Variants in TUSC3 observed in about 807,000 individuals in gnomAD.
The protein encoded by TUSC3 is dolichyl-diphosphooligosaccharide--protein glycosyltransferase subunit TUSC3.
Under a neutral mutation model 44.8 loss-of-function variants are expected in TUSC3, and 45 were observed. The observed-to-expected ratio is 1.00, with a 90% CI of 0.79 to 1.29. The LOEUF (loss-of-function observed/expected upper bound fraction) is 1.29. Among genes scored for constraint, TUSC3 ranks in the 50% most tolerant of loss-of-function variants. TUSC3 has a pLI of 0.00. For missense variants in TUSC3, 519 were observed against 437.9 expected (o/e 1.19, Z -1.65); for synonymous variants, 212 against 152.9 (o/e 1.39, Z -2.85).
rs544241233 is a variant in TUSC3, at chr8:15,490,461, C to T, written n.189+6978C>T. Among the ~76,000 whole-genome samples the T allele has an allele frequency of 5.3e-5, 8 of 150,816 alleles. No individual in the cohort carries two copies. The East Asian group carries it at 9.7e-4, about 18-fold the overall frequency. On this transcript the variant is annotated intron_variant and non_coding_transcript_variant, in intron 2 of 5. Transcript: ENST00000503191. The stretch of plus-strand genomic sequence containing the variant: ...TCACCACCCTGCAATTTTCCAGCAG[C>T]CCCTCCCATTGGGTGCACTCAACTG...
At chr8:15,802,819 C>T in the TUSC3 span, among the ~76,000 whole-genome samples, 1 of 151,630 alleles carries the variant, frequency 6.6e-6, no homozygotes, top group African/African-American at 2.4e-5. Flanking sequence ...TAATCAAGTA[C>T]CCAGAACGTG....
At chr8:15,589,821 C>T (rs1803748732) in intron 1 of TUSC3, among the ~76,000 whole-genome samples, 3 of 152,020 alleles carry the variant, frequency 2.0e-5, no homozygotes, top group South Asian at 2.1e-4. Flanking sequence ...AATGGTTGAG[C>T]CAAGCCATGA....
At chr8:15,812,537 C>A in the TUSC3 span, among the ~76,000 whole-genome samples, 1 of 152,154 alleles carries the variant, frequency 6.6e-6, no homozygotes, top group Non-Finnish European at 1.5e-5. Flanking sequence ...TCACAGGTTT[C>A]ATCTACCTTA....
intron 1 of TUSC3, among the ~76,000 whole-genome samples, chr8:15,554,763 G>T (rs918851163): frequency 6.7e-6 from 1 of 149,636 alleles, no homozygotes; most frequent in African/African-American, 2.5e-5. Flanking sequence ...CACCACGCCC[G>T]GCTAATTTTT....
At chr8:15,799,289 T>A in the TUSC3 span, among the ~76,000 whole-genome samples, 1 of 152,158 alleles carries the variant, frequency 6.6e-6, no homozygotes, top group Non-Finnish European at 1.5e-5. Context: ...ACAATTATCC[T>A]AGTTCTGCCC....
chr8:15,503,837 A>G lies in TUSC3; in HGVS notation n.189+20354A>G, dbSNP rs140205438. On this transcript the variant is annotated intron_variant and non_coding_transcript_variant, in intron 2 of 5. Coordinates refer to the TUSC3 transcript ENST00000503191. ...GGGCAGCATGGCAAAACCCATCTCT[A>G]CTAAAAATACAAAAATGGTAATGGC... 2.0e-5 allele frequency among the ~76,000 whole-genome samples: 3 copies of G among 152,108 alleles called. No individual in the cohort carries two copies. In the East Asian group the frequency reaches 5.8e-4, roughly 30 times the overall value.
chr8:15,666,451 A>T (rs1384183954), intron 5 of TUSC3, among the ~76,000 whole-genome samples: 1 of 151,424 alleles, frequency 6.6e-6, no homozygotes, highest in Non-Finnish European at 1.5e-5. Flanking sequence ...CATTTTAATT[A>T]AATTTTTTGA....
intron 6 of TUSC3, among the ~76,000 whole-genome samples, chr8:15,676,730 A>G (rs774788610): frequency 1.2e-4 from 18 of 152,314 alleles, no homozygotes; most frequent in South Asian, 2.1e-4. Context: ...AGCCTCCTAT[A>G]CCCAATTAAG....
intron 2 of TUSC3, among the ~76,000 whole-genome samples, chr8:15,486,074 T>G (rs1800729044): frequency 6.6e-6 from 1 of 152,180 alleles, no homozygotes; most frequent in African/African-American, 2.4e-5. Flanking sequence ...ATTACAGACA[T>G]GAGCCACCTT....
chr8:15,708,114 A>G (rs1809696111), intron 6 of TUSC3, among the ~76,000 whole-genome samples: 1 of 151,962 alleles, frequency 6.6e-6, no homozygotes, highest in Admixed American at 6.6e-5. Flanking sequence ...AAATAAGGTC[A>G]CAGTCCAAGT....
the TUSC3 span, among the ~76,000 whole-genome samples, chr8:15,849,541 A>G: frequency 6.6e-6 from 1 of 152,198 alleles, no homozygotes; most frequent in Admixed American, 6.6e-5. Flanking sequence ...AGAAAGCCCA[A>G]CTTAAAGAAA....
At chr8:15,493,172 A>G (rs1800832779) in intron 2 of TUSC3, among the ~76,000 whole-genome samples, 1 of 152,216 alleles carries the variant, frequency 6.6e-6, no homozygotes, top group Non-Finnish European at 1.5e-5. Flanking sequence ...GACAAAGTGA[A>G]TGAAAGAACC....
At chr8:15,519,483 A>G (rs528766602) in intron 2 of TUSC3, among the ~76,000 whole-genome samples, 53 of 152,242 alleles carry the variant, frequency 3.5e-4, no homozygotes, top group African/African-American at 1.3e-3. Flanking sequence ...CCTATTAGGA[A>G]CCAGGCCACA....
In TUSC3 at chr8:15,766,216, C is replaced by T. The variant is rs1225746539; in HGVS notation, c.*2060C>T. The T allele has an allele frequency of 6.6e-6, 1 of 151,880 alleles. No individual in the cohort carries two copies. Among genetic ancestry groups the T allele is most frequent in the Non-Finnish European group, 1.5e-5 (1 of 67,930 alleles). The allele number at this position is 151,880 out of a possible 1,614,324, so 9.4% of individuals were successfully genotyped here. A position where few individuals can be genotyped will look rare whatever the true frequency, so the allele number is the denominator to read the frequency against. On this transcript the variant is annotated 3_prime_UTR_variant, in exon 11 of 11. Coordinates refer to ENST00000503731, the MANE Select transcript of TUSC3 (RefSeq NM_006765.4). ...GTGGCTTCTCTATAGACAACTGTTA[C>T]ATTAGGGAAGTGATTCTAGAGCAAA...
chr8:15,522,377 C>G (rs1358654876), intron 2 of TUSC3, among the ~76,000 whole-genome samples: 1 of 152,060 alleles, frequency 6.6e-6, no homozygotes, highest in Non-Finnish European at 1.5e-5. Flanking sequence ...GCATTACAGG[C>G]CTGCGCCAGC....
chr8:15,582,763 G>C (rs540216821), intron 1 of TUSC3, among the ~76,000 whole-genome samples: 2 of 152,334 alleles, frequency 1.3e-5, no homozygotes, highest in South Asian at 4.1e-4. Flanking sequence ...GGAACAACCT[G>C]CCTCAACTCG....
Position 15,614,813 on chromosome 8 carries a change from A to G in TUSC3, c.139-8267A>G, listed in dbSNP as rs540980062. Among the ~76,000 whole-genome samples the G allele has an allele frequency of 5.9e-5, 9 of 152,146 alleles. No individual in the cohort carries two copies. In the South Asian group the frequency reaches 1.9e-3, roughly 32 times the overall value. On this transcript the variant is annotated intron_variant, in intron 1 of 10. Coordinates refer to ENST00000503731, the MANE Select transcript of TUSC3 (RefSeq NM_006765.4). ...ATTATTATTCTTTTTTGCTAAGGAT[A>G]TAGTTACATAATAATTTATATATGA... is the stretch of plus-strand genomic sequence containing the variant.
At chr8:15,510,321 G>A (rs1349388178) in intron 2 of TUSC3, among the ~76,000 whole-genome samples, 1 of 152,112 alleles carries the variant, frequency 6.6e-6, no homozygotes, top group Non-Finnish European at 1.5e-5. Context: ...GGTTCTTTAT[G>A]AGATCAATAC....
intron 1 of TUSC3, among the ~76,000 whole-genome samples, chr8:15,472,135 A>G (rs1311868533): frequency 6.6e-6 from 1 of 152,232 alleles, no homozygotes; most frequent in East Asian, 1.9e-4. Context: ...GGAATATCTG[A>G]CAGGAATTTT....
Sources: allele counts gnomAD v4.1 joint callset (sites outside exome capture counted in the v4.1 genomes callset), GRCh38; gene constraint gnomAD v4.1.1; transcripts MANE v1.5; gene names NCBI Gene and HGNC (gene_info 2026-07-23, HGNC 2026-07-21).